SERPINB8: variants seen among roughly 807,000 people sequenced by gnomAD.
SERPINB8 encodes serpin family B member 8.
Under a neutral mutation model 35.3 loss-of-function variants are expected in SERPINB8, and 25 were observed. The ratio of observed to expected loss-of-function variants is 0.71; its 90% confidence interval spans 0.52 to 0.99. The LOEUF (loss-of-function observed/expected upper bound fraction) is 0.99. SERPINB8 is among the 50% of genes least tolerant of loss of function. SERPINB8 has a pLI of 0.00. For synonymous variants in SERPINB8, 186 were observed against 160.8 expected (o/e 1.16, Z -1.19); for missense variants, 484 against 446.5 (o/e 1.08, Z -0.76).
chr18:63,981,648 A>G (rs1338851513), intron 3 of SERPINB8, 73 bp from the exon 4 acceptor site: 27 of 1,019,364 alleles, frequency 2.6e-5, no homozygotes, highest in Non-Finnish European at 4.1e-5. Flanking sequence ...ATGCAGTAAG[A>G]GAAAACAAAA....
chr18:63,973,247 A>G (rs2050521916), intron 1 of SERPINB8, among the ~76,000 whole-genome samples: 1 of 152,214 alleles, frequency 6.6e-6, no homozygotes, highest in African/African-American at 2.4e-5. Flanking sequence ...ACCAGTGATG[A>G]TGAACGTTTT....
At chr18:64,000,138 A>G (rs1271561653) in intron 1 of SERPINB8, among the ~76,000 whole-genome samples, 1 of 152,246 alleles carries the variant, frequency 6.6e-6, no homozygotes, top group Admixed American at 6.5e-5. Flanking sequence ...ACAAAGTGGA[A>G]GAGTCCGGCT....
intron 1 of SERPINB8, among the ~76,000 whole-genome samples, chr18:63,972,168 C>T (rs994112823): frequency 3.9e-5 from 6 of 152,018 alleles, no homozygotes; most frequent in Non-Finnish European, 7.4e-5. Flanking sequence ...CTGATCACAC[C>T]CTCCTCCCTC....
intron 1 of SERPINB8, among the ~76,000 whole-genome samples, chr18:64,001,689 G>T (rs548833227): frequency 2.0e-4 from 31 of 151,856 alleles, no homozygotes; most frequent in Non-Finnish European, 4.0e-4. Flanking sequence ...GTTTAATCAC[G>T]TTGTCCAGGC....
rs775626637 is a variant in SERPINB8 at position 63,985,044 on chromosome 18, A to C, written c.568-49A>C. 1.0e-5 allele frequency: 16 copies of C among 1,589,954 alleles called. 1 individual carries two copies. Among genetic ancestry groups the C allele is most frequent in the Middle Eastern group, 1.7e-4 (1 of 5,988 alleles). ...TGTGAGTTAGATATATCCTATTTTT[A>C]GTAAATTATACCCACTTTTCAGTAA... On this transcript the variant is annotated intron_variant, in intron 5 of 6. Coordinates refer to ENST00000397985, the MANE Select transcript of SERPINB8 (RefSeq NM_002640.4).
chr18:63,993,521 T>C (rs1418290354), downstream of SERPINB8, among the ~76,000 whole-genome samples: 1 of 152,222 alleles, frequency 6.6e-6, no homozygotes, highest in Non-Finnish European at 1.5e-5. Flanking sequence ...AGAATGTATA[T>C]TCTGCTGTTT....
chr18:63,976,876 G>C (rs1000965331), intron 1 of SERPINB8, among the ~76,000 whole-genome samples: 6 of 151,794 alleles, frequency 4.0e-5, no homozygotes, highest in Admixed American at 3.9e-4. Context: ...TGGGGAAAAT[G>C]GGGCATCTTT....
chr18:63,998,991 A>G (rs1404861627), intron 1 of SERPINB8, among the ~76,000 whole-genome samples: 1 of 152,212 alleles, frequency 6.6e-6, no homozygotes, highest in Admixed American at 6.5e-5. Flanking sequence ...CCATTCTAAG[A>G]ATGAATTAAG....
intron 7 of SERPINB8, among the ~76,000 whole-genome samples, chr18:64,012,671 G>C (rs537874043): frequency 1.3e-4 from 19 of 151,570 alleles, no homozygotes; most frequent in Middle Eastern, 3.4e-3. Flanking sequence ...TGTTTCTTTC[G>C]GAGTCAGCTC....
At chr18:63,989,610 G>T (rs563976093), downstream of SERPINB8, among the ~76,000 whole-genome samples, 9 of 152,202 alleles carry the variant, frequency 5.9e-5, 1 homozygote, top group African/African-American at 1.9e-4. Flanking sequence ...CCGGCTTTTG[G>T]TTGCATTTCC....
chr18:64,016,819 C>T (rs2050952527), intron 7 of SERPINB8, among the ~76,000 whole-genome samples: 1 of 152,108 alleles, frequency 6.6e-6, no homozygotes, highest in Non-Finnish European at 1.5e-5. Context: ...GTTTCAAATC[C>T]CTCATTTTCC....
downstream of SERPINB8, among the ~76,000 whole-genome samples, chr18:64,010,106 A>G (rs1273253987): frequency 6.6e-6 from 1 of 152,170 alleles, no homozygotes; most frequent in Non-Finnish European, 1.5e-5. Context: ...AAACAACCAC[A>G]TTGAAAAATA....
rs1231034391 is a variant in SERPINB8 at position 63,989,239 on chromosome 18, T to C, written c.*1961T>C. On this transcript the variant is annotated 3_prime_UTR_variant, in exon 7 of 7. Coordinates refer to ENST00000397985, the MANE Select transcript of SERPINB8 (RefSeq NM_002640.4). ...GTATGTATCAATAGTTCATCCCTTT[T>C]ATTGGTAAGTAACATTTTTTTGTAT... 1 of 152,264 alleles carries C rather than the reference T, an allele frequency of 6.6e-6. No homozygotes were observed. The highest frequency in any genetic ancestry group is 2.4e-5 in the African/African-American group (1 of 41,470). 9.4% of individuals were successfully genotyped at this position (152,264 alleles called of 1,614,324 possible).
intron 4 of SERPINB8, among the ~76,000 whole-genome samples, chr18:63,983,242 G>C (rs1339800294): frequency 1.3e-5 from 2 of 152,192 alleles, no homozygotes. Flanking sequence ...CCCATAGTCA[G>C]AATCAAGACT....
intron 7 of SERPINB8, among the ~76,000 whole-genome samples, chr18:64,015,169 A>G (rs8095161): frequency 0.62 from 93,709 of 151,866 alleles, 29,055 homozygotes; most frequent in Admixed American, 0.69. Flanking sequence ...AACTTCAGAG[A>G]GCATCGGCCT....
downstream of SERPINB8, among the ~76,000 whole-genome samples, chr18:64,010,564 G>A (rs2144849386): frequency 6.6e-6 from 1 of 152,210 alleles, no homozygotes; most frequent in South Asian, 2.1e-4. Flanking sequence ...TGTTCCCATG[G>A]TCAGCACTAT....
chr18:64,009,454 C>T (rs1045631714), downstream of SERPINB8, among the ~76,000 whole-genome samples: 2 of 152,146 alleles, frequency 1.3e-5, no homozygotes, highest in Non-Finnish European at 2.9e-5. Flanking sequence ...TTATAAAACT[C>T]TAGTGATGTA....
intron 7 of SERPINB8, among the ~76,000 whole-genome samples, chr18:64,017,194 G>A (rs549388343): frequency 5.8e-4 from 88 of 152,256 alleles, no homozygotes; most frequent in African/African-American, 1.9e-3. Context: ...GAGGACATTT[G>A]AGCAGAAGCT....
chr18:64,018,201 T>TTAA (rs2050959314), intron 7 of SERPINB8, among the ~76,000 whole-genome samples: 1 of 152,230 alleles, frequency 6.6e-6, no homozygotes, highest in African/African-American at 2.4e-5. Context: ...TTCTTGGTTT[T>TTAA]TAATTTTATT....
Sources: allele counts gnomAD v4.1 joint callset (sites outside exome capture counted in the v4.1 genomes callset), GRCh38; gene constraint gnomAD v4.1.1; transcripts MANE v1.5; gene names NCBI Gene and HGNC (gene_info 2026-07-23, HGNC 2026-07-21).